Variants in HSD17B12 observed in about 807,000 individuals in gnomAD.
HSD17B12 encodes very-long-chain 3-oxoacyl-CoA reductase.
In HSD17B12, 32 loss-of-function variants were observed where a neutral mutation model predicts 39.3. The ratio of observed to expected loss-of-function variants is 0.81; its 90% CI spans 0.61 to 1.09. The LOEUF (loss-of-function observed/expected upper bound fraction) is 1.09. Ranked by LOEUF, HSD17B12 falls within the 50% of genes least tolerant of loss-of-function variation. HSD17B12 has a pLI of 0.00. For synonymous variants in HSD17B12, 150 were observed against 146.7 expected (o/e 1.02, Z -0.16); for missense variants, 342 against 382.9 (o/e 0.89, Z 0.89).
the HSD17B12 span, among the ~76,000 whole-genome samples, chr11:43,619,229 A>T: frequency 0.02 from 245 of 12,406 alleles, 8 homozygotes; most frequent in African/African-American, 0.053. Context: ...TATATATATG[A>T]TATATATATA....
intron 1 of HSD17B12, among the ~76,000 whole-genome samples, chr11:43,685,917 G>A (rs577068445): frequency 1.3e-5 from 2 of 152,328 alleles, no homozygotes; most frequent in East Asian, 3.9e-4. Flanking sequence ...TGGAAGGATT[G>A]CAGAATAGTT....
At chr11:43,702,924 C>T (rs1384082835) in intron 1 of HSD17B12, among the ~76,000 whole-genome samples, 1 of 152,118 alleles carries the variant, frequency 6.6e-6, no homozygotes, top group Non-Finnish European at 1.5e-5. Flanking sequence ...GACTGGACAC[C>T]TCTGTTCTAA....
the HSD17B12 span, among the ~76,000 whole-genome samples, chr11:43,632,123 T>C: frequency 1.8e-4 from 27 of 152,202 alleles, no homozygotes; most frequent in Non-Finnish European, 2.6e-4. Flanking sequence ...ACGACCCTGG[T>C]TTACGATTTA....
At chr11:43,760,113 G>C (rs1950543232) in intron 3 of HSD17B12, among the ~76,000 whole-genome samples, 1 of 152,118 alleles carries the variant, frequency 6.6e-6, no homozygotes, top group African/African-American at 2.4e-5. Flanking sequence ...GGCTAGGCTG[G>C]TCTTGAACTC....
upstream of HSD17B12, among the ~76,000 whole-genome samples, chr11:43,679,202 G>A (rs1238620572): frequency 6.6e-6 from 1 of 152,146 alleles, no homozygotes; most frequent in Non-Finnish European, 1.5e-5. Flanking sequence ...AAGCAATTGT[G>A]AAGGGGAGTT....
the HSD17B12 span, among the ~76,000 whole-genome samples, chr11:43,612,565 A>G: frequency 6.6e-6 from 1 of 152,144 alleles, no homozygotes; most frequent in Non-Finnish European, 1.5e-5. Flanking sequence ...AGGAGGAGAC[A>G]ACCATGAACA....
the HSD17B12 span, among the ~76,000 whole-genome samples, chr11:43,656,355 C>A: frequency 1.3e-5 from 2 of 152,154 alleles, no homozygotes; most frequent in East Asian, 3.8e-4. Flanking sequence ...AAACCAGCCC[C>A]TGGATTCATT....
At chr11:43,755,306 TCTG>T (rs1950498936) in intron 3 of HSD17B12, 1 of 155,054 alleles carries the variant, frequency 6.4e-6, no homozygotes, top group African/African-American at 2.4e-5. Context: ...AAAAAAGAAA[TCTG>T]CTCTCCTGAT....
At chr11:43,700,759 A>T (rs959308413) in intron 1 of HSD17B12, among the ~76,000 whole-genome samples, 7 of 152,314 alleles carry the variant, frequency 4.6e-5, no homozygotes, top group African/African-American at 1.7e-4. Flanking sequence ...GGTTGCTTCC[A>T]AATCTTAGCT....
At chr11:43,819,647 A>G (rs1951162443) in intron 6 of HSD17B12, among the ~76,000 whole-genome samples, 1 of 152,164 alleles carries the variant, frequency 6.6e-6, no homozygotes, top group Admixed American at 6.5e-5. Flanking sequence ...TTCATTCTTC[A>G]TTGACATTGG....
chr11:43,631,531 TTCTC>T, the HSD17B12 span, among the ~76,000 whole-genome samples: 1 of 151,604 alleles, frequency 6.6e-6, no homozygotes, highest in Non-Finnish European at 1.5e-5. Flanking sequence ...ATAAAAGGTG[TTCTC>T]TCTCTCTGTG....
intron 6 of HSD17B12, among the ~76,000 whole-genome samples, chr11:43,823,895 G>A (rs571826457): frequency 1.1e-3 from 173 of 152,282 alleles, no homozygotes; most frequent in African/African-American, 4.0e-3. Flanking sequence ...TAAATTGTGA[G>A]AATGTCCTAA....
intron 3 of HSD17B12, among the ~76,000 whole-genome samples, chr11:43,760,689 GTAA>G (rs1950548538): frequency 1.3e-5 from 2 of 152,164 alleles, no homozygotes; most frequent in African/African-American, 4.8e-5. Flanking sequence ...TTCTGATGCA[GTAA>G]TAATACCATT....
chr11:43,561,484 G>A, the HSD17B12 span, among the ~76,000 whole-genome samples: 8 of 152,166 alleles, frequency 5.3e-5, no homozygotes, highest in African/African-American at 1.7e-4. Context: ...CTACTAGGGA[G>A]CAAAGCTAGA....
the HSD17B12 span, among the ~76,000 whole-genome samples, chr11:43,575,840 C>T: frequency 2.6e-5 from 4 of 152,214 alleles, no homozygotes; most frequent in Non-Finnish European, 4.4e-5. The surrounding 1 kb of genome is among the most constrained non-coding windows in gnomAD (Gnocchi z 4.1). Flanking sequence ...TACTAGAACG[C>T]AAAACACACA....
the HSD17B12 span, among the ~76,000 whole-genome samples, chr11:43,653,735 A>AT: frequency 6.6e-6 from 1 of 152,046 alleles, no homozygotes; most frequent in Non-Finnish European, 1.5e-5. Context: ...TGAACTCATC[A>AT]TTTTTTATGG....
At position 43,690,945 on chromosome 11, in the gene HSD17B12, T is replaced by C. The variant is rs1049189514; in HGVS notation, c.160+9958T>C. On this transcript the variant is annotated intron_variant, in intron 1 of 10. Coordinates refer to ENST00000278353, the MANE Select transcript of HSD17B12 (RefSeq NM_016142.3). ...TATAGAAATGATAGCAGATATTATC[T>C]GATGGGATGATTCTGATTTTATCCA... Among the ~76,000 whole-genome samples, 8 of 152,332 alleles carry C rather than the reference T, an allele frequency of 5.3e-5. No homozygotes were observed. The East Asian group carries it at 1.5e-3, about 29-fold the overall frequency.
chr11:43,768,767 T>G (rs914972787), intron 3 of HSD17B12, among the ~76,000 whole-genome samples: 1 of 152,146 alleles, frequency 6.6e-6, no homozygotes, highest in African/African-American at 2.4e-5. Context: ...CCAGAGCGGG[T>G]TGCCGTGGCT....
At chr11:43,722,886 G>A (rs896263277) in intron 1 of HSD17B12, among the ~76,000 whole-genome samples, 1 of 152,050 alleles carries the variant, frequency 6.6e-6, no homozygotes, top group Non-Finnish European at 1.5e-5. Context: ...TTTGAGTAAT[G>A]GGAAGTCACT....
Sources: gnomAD v4.1 joint callset for allele counts (sites outside exome capture counted in the v4.1 genomes callset) on GRCh38, gnomAD v4.1.1 for gene constraint, Gnocchi (gnomAD v3.1) non-coding constraint, MANE v1.5 for transcripts, NCBI Gene and HGNC (gene_info 2026-07-23, HGNC 2026-07-21) for gene names.